The following DPH6 variants were observed in gnomAD, a reference collection of about 807,000 sequenced individuals.
DPH6 encodes diphthamine biosynthesis 6, also known as diphthine--ammonia ligase.
Under a neutral mutation model 38.2 loss-of-function variants are expected in DPH6, and 33 were observed. The observed-to-expected ratio is 0.86, with a 90% CI of 0.65 to 1.15. The LOEUF (loss-of-function observed/expected upper bound fraction) is 1.15. DPH6 is among the 50% of genes most tolerant of loss of function. The probability of loss-of-function intolerance (pLI) is 0.00; values close to 1 mark genes in which losing one functional copy is unlikely to be tolerated. For missense variants in DPH6, 325 were observed against 320.0 expected, an observed-to-expected ratio of 1.02 and a Z score of -0.12; for synonymous variants, 108 against 103.0, an observed-to-expected ratio of 1.05 and a Z score of -0.30.
chr15:35,312,129 C>G (rs1252952354), intron 3 of DPH6, among the ~76,000 whole-genome samples: 2 of 151,384 alleles, frequency 1.3e-5, no homozygotes, highest in African/African-American at 4.9e-5. Flanking sequence ...ATAAGGAAAG[C>G]TACTATATTT....
intron 3 of DPH6, among the ~76,000 whole-genome samples, chr15:35,473,951 TGTGTGTGCGC>T (rs1357183501): frequency 1.4e-4 from 4 of 28,042 alleles, no homozygotes; most frequent in African/African-American, 2.0e-4. Context: ...TGTGTGTGTG[TGTGTGTGCGC>T]GCGCGCGCGT....
rs1320357052 is a variant in DPH6, at chr15:35,538,020, C to T, written c.312+254G>A. On this transcript the variant is annotated intron_variant, in intron 3 of 8. Coordinates refer to ENST00000256538, the MANE Select transcript of DPH6 (RefSeq NM_080650.4). ...CTCTAATCTTTCTTTTCCTTAGGAACAGAAAACTTATTTTAATATCATTTG... is the reference window on the plus strand; with the variant it reads ...CTCTAATCTTTCTTTTCCTTAGGAATAGAAAACTTATTTTAATATCATTTG... The T allele has an allele frequency of 2.3e-5, 6 of 258,514 alleles. No homozygotes were observed. In the South Asian group the frequency reaches 7.4e-4, roughly 32 times the overall value. 16.0% of individuals were successfully genotyped at this position (258,514 alleles called of 1,614,324 possible).
chr15:35,184,253 C>G, the DPH6 span, among the ~76,000 whole-genome samples: 5 of 152,142 alleles, frequency 3.3e-5, no homozygotes, highest in Admixed American at 3.3e-4. Context: ...GTCTGATAGA[C>G]AGGATGCTTT....
At chr15:35,482,495 T>C (rs532559449) in intron 3 of DPH6, among the ~76,000 whole-genome samples, 6 of 152,254 alleles carry the variant, frequency 3.9e-5, no homozygotes, top group African/African-American at 9.6e-5. Context: ...AGTACTGAAG[T>C]AAGACTAGGC....
chr15:35,145,546 A>G, the DPH6 span, among the ~76,000 whole-genome samples: 2 of 152,234 alleles, frequency 1.3e-5, no homozygotes, highest in Admixed American at 6.5e-5. Flanking sequence ...AGGCTATTCT[A>G]GAAGGCTAAC....
At chr15:35,272,410 T>C (rs1294446873) in intron 3 of DPH6, among the ~76,000 whole-genome samples, 2 of 152,108 alleles carry the variant, frequency 1.3e-5, no homozygotes, top group Admixed American at 6.5e-5. Context: ...GGAAGCATGA[T>C]GTTATGGACT....
chr15:35,467,612 A>G (rs909019396), intron 3 of DPH6, among the ~76,000 whole-genome samples: 5 of 152,152 alleles, frequency 3.3e-5, no homozygotes, highest in African/African-American at 9.7e-5. Flanking sequence ...AGACACAAGC[A>G]CATGCATTAG....
At chr15:35,302,034 C>G (rs960628728) in intron 3 of DPH6, among the ~76,000 whole-genome samples, 3 of 151,820 alleles carry the variant, frequency 2.0e-5, no homozygotes, top group African/African-American at 7.3e-5. Flanking sequence ...TTATTGTAGT[C>G]AATACATAAA....
intron 3 of DPH6, among the ~76,000 whole-genome samples, chr15:35,535,588 T>G (rs571359140): frequency 6.6e-6 from 1 of 151,836 alleles, no homozygotes; most frequent in Non-Finnish European, 1.5e-5. Flanking sequence ...CTCACGTGAC[T>G]TAAAAAGAAA....
In DPH6 at chr15:35,503,241, C is replaced by T. The variant is rs959419357; in HGVS notation, c.312+35033G>A. On this transcript the variant is annotated intron_variant, in intron 3 of 8. Transcript: ENST00000256538. Reference sequence around the variant, plus strand: ...TTGTTATAAGTAAATAAGTAATCTGCTTCCTAAAAAGTGATCTCACCTACC... The same window carrying T: ...TTGTTATAAGTAAATAAGTAATCTGTTTCCTAAAAAGTGATCTCACCTACC... Among the ~76,000 whole-genome samples, 5 of 151,704 alleles carry T rather than the reference C, an allele frequency of 3.3e-5. 1 individual carries two copies. The highest frequency in any genetic ancestry group is 1.2e-4 in the African/African-American group (5 of 41,322).
chr15:35,297,119 G>C (rs1031623837), intron 3 of DPH6, among the ~76,000 whole-genome samples: 1 of 152,068 alleles, frequency 6.6e-6, no homozygotes, highest in African/African-American at 2.4e-5. Flanking sequence ...TTAGATTCTG[G>C]AATTATGATT....
intron 3 of DPH6, among the ~76,000 whole-genome samples, chr15:35,481,522 A>C (rs2141150091): frequency 6.6e-6 from 1 of 152,220 alleles, no homozygotes; most frequent in East Asian, 1.9e-4. Flanking sequence ...GATATCTGTA[A>C]AACAATTTAA....
In DPH6 at chr15:35,226,471, A is replaced by G. The variant is rs72707082; in HGVS notation, n.201-5889T>C. On this transcript the variant is annotated intron_variant and non_coding_transcript_variant, in intron 3 of 3. Coordinates refer to the DPH6 transcript ENST00000560386. Reference sequence around the variant, plus strand: ...GTAAAGAAAAGTGCAGCACAACTATAGTTGTATGGAAAGCCTTATTGGTAC... The same window carrying G: ...GTAAAGAAAAGTGCAGCACAACTATGGTTGTATGGAAAGCCTTATTGGTAC... 1.6e-3 allele frequency among the ~76,000 whole-genome samples: 246 copies of G among 152,358 alleles called. 1 individual carries two copies. The highest frequency in any genetic ancestry group is 4.0e-3 in the East Asian group (21 of 5,190).
rs1398213237 is a variant in DPH6 at position 35,524,424 on chromosome 15, C to A, written c.312+13850G>T. On this transcript the variant is annotated intron_variant, in intron 3 of 8. Coordinates refer to ENST00000256538, the MANE Select transcript of DPH6 (RefSeq NM_080650.4). Reference sequence around the variant, plus strand: ...GATCCCTGACTTAATAACCCTAACCCCTTATCAAACCATATGCCTTCCCCT... The same window carrying A: ...GATCCCTGACTTAATAACCCTAACCACTTATCAAACCATATGCCTTCCCCT... Among the ~76,000 whole-genome samples the A allele has an allele frequency of 3.3e-5, 5 of 152,060 alleles. No individual in the cohort carries two copies. The East Asian group carries it at 7.7e-4, about 23-fold the overall frequency.
chr15:35,303,161 A>G (rs906297768), intron 3 of DPH6, among the ~76,000 whole-genome samples: 1 of 152,076 alleles, frequency 6.6e-6, no homozygotes, highest in Non-Finnish European at 1.5e-5. Context: ...GCACTCCCTG[A>G]CTTTTCCATC....
At chr15:35,345,637 A>T (rs1381747568) in intron 3 of DPH6, among the ~76,000 whole-genome samples, 1 of 151,886 alleles carries the variant, frequency 6.6e-6, no homozygotes, top group East Asian at 1.9e-4. Context: ...CTACTCGATA[A>T]TTTTTTAAGA....
At chr15:35,296,632 A>C (rs2052016989) in intron 3 of DPH6, among the ~76,000 whole-genome samples, 1 of 152,226 alleles carries the variant, frequency 6.6e-6, no homozygotes, top group Non-Finnish European at 1.5e-5. Flanking sequence ...CCTGAATGTT[A>C]CTAGAGAAAA....
At chr15:35,213,705 T>A (rs1346462266), downstream of DPH6, among the ~76,000 whole-genome samples, 2 of 152,088 alleles carry the variant, frequency 1.3e-5, no homozygotes, top group Admixed American at 1.3e-4. Flanking sequence ...CCCAATTACA[T>A]CACACAAAGA....
intron 5 of DPH6, among the ~76,000 whole-genome samples, chr15:35,442,063 T>C (rs2053796114): frequency 6.6e-6 from 1 of 152,036 alleles, no homozygotes; most frequent in Non-Finnish European, 1.5e-5. Context: ...AAAATGTTTA[T>C]GCTTCAAAGG....
Sources: allele counts gnomAD v4.1 joint callset (sites outside exome capture counted in the v4.1 genomes callset), GRCh38; gene constraint gnomAD v4.1.1; transcripts MANE v1.5; gene names NCBI Gene and HGNC (gene_info 2026-07-23, HGNC 2026-07-21).